Variants in RASGRF1 observed in about 807,000 individuals in gnomAD.
RASGRF1 encodes Ras protein specific guanine nucleotide releasing factor 1.
RASGRF1 carries 40 observed loss-of-function variants against 138.7 expected under a neutral mutation model. The observed-to-expected ratio is 0.29, with a 90% CI of 0.22 to 0.38. The LOEUF (loss-of-function observed/expected upper bound fraction) is 0.38. Among genes scored for constraint, RASGRF1 ranks in the 10% least tolerant of loss-of-function variants. The pLI is 1.00. For missense variants in RASGRF1, 1,108 were observed against 1,650.4 expected (o/e 0.67, Z 5.69); for synonymous variants, 614 against 663.2 (o/e 0.93, Z 1.14).
At chr15:79,062,781 C>T (rs907889598) in intron 2 of RASGRF1, among the ~76,000 whole-genome samples, 40 of 152,104 alleles carry the variant, frequency 2.6e-4, no homozygotes, top group Admixed American at 1.5e-3. Context: ...TGACCTCAAG[C>T]GATTTGCCCA....
intron 2 of RASGRF1, among the ~76,000 whole-genome samples, chr15:79,059,336 A>C (rs1289205889): frequency 2.1e-4 from 12 of 55,844 alleles, no homozygotes; most frequent in South Asian, 5.5e-4. Flanking sequence ...TCCCTTCCCT[A>C]TCCTTCCCTT....
intron 5 of RASGRF1, among the ~76,000 whole-genome samples, chr15:79,035,745 G>A (rs2057212333): frequency 6.6e-6 from 1 of 152,192 alleles, no homozygotes; most frequent in Admixed American, 6.5e-5. Context: ...TCCCAGCCTC[G>A]AGTCCTTCTG....
chr15:78,972,036 C>T (rs905586881), intron 25 of RASGRF1, 102 bp from the exon 26 acceptor site: 82 of 985,308 alleles, frequency 8.3e-5, no homozygotes, highest in Middle Eastern at 4.2e-4. Flanking sequence ...CTGAAGTCAG[C>T]CTCTTAATTC....
chr15:79,007,365 T>C (rs1330062360), intron 13 of RASGRF1, among the ~76,000 whole-genome samples: 2 of 152,176 alleles, frequency 1.3e-5, no homozygotes, highest in African/African-American at 2.4e-5. Flanking sequence ...ATGGGAGCTA[T>C]TAGGACTCTT....
chr15:78,967,123 A>G (rs964946562), intron 26 of RASGRF1, among the ~76,000 whole-genome samples: 26 of 151,876 alleles, frequency 1.7e-4, no homozygotes, highest in African/African-American at 6.1e-4. Flanking sequence ...CCCTGTCTCT[A>G]TAAAAAAATA....
intron 1 of RASGRF1, 170 bp from the exon 2 acceptor site, chr15:79,064,696 G>A (rs1315606787): frequency 1.6e-6 from 1 of 642,072 alleles, no homozygotes; most frequent in Non-Finnish European, 2.7e-6. Flanking sequence ...TCCAGTTCTC[G>A]ATTAAAAGGG....
chr15:79,012,605 A>C, intron 13 of RASGRF1: 1 of 1,564,556 alleles, frequency 6.4e-7, no homozygotes, highest in Non-Finnish European at 8.7e-7. Flanking sequence ...CATTCCATTC[A>C]CTTTATCACC....
chr15:79,015,211 C>A, intron 13 of RASGRF1, 116 bp downstream of exon 13: 1 of 981,226 alleles, frequency 1.0e-6, no homozygotes, highest in Non-Finnish European at 1.5e-6. Context: ...CCCCCAAAGA[C>A]AAAGCCCAGC....
intron 1 of RASGRF1, among the ~76,000 whole-genome samples, chr15:79,068,155 G>T (rs1410987793): frequency 6.6e-6 from 1 of 152,230 alleles, no homozygotes; most frequent in Non-Finnish European, 1.5e-5. Flanking sequence ...CCACTTCACA[G>T]AGGGGGCTGA....
chr15:79,058,596 C>G, intron 2 of RASGRF1, 115 bp from the exon 3 acceptor site: 2 of 1,348,672 alleles, frequency 1.5e-6, no homozygotes, highest in South Asian at 2.8e-5. Context: ...GCAGAAGGCC[C>G]TGACTCCCAG....
rs1471789236 is a variant in RASGRF1 at position 79,020,002 on chromosome 15, G to C, written c.1606+39C>G. The C allele has an allele frequency of 1.9e-6, 3 of 1,607,298 alleles. No homozygotes were observed. The African/African-American group carries it at 4.0e-5, about 21-fold the overall frequency. On this transcript the variant is annotated intron_variant, in intron 11 of 26. Coordinates refer to ENST00000558480, the MANE Select transcript of RASGRF1 (RefSeq NM_001145648.3). ...TAGGAGTGAGCGTGTGTGTATCTGT[G>C]CAAGCACACACATGCGCACATGCAG...
At chr15:79,037,802 T>C (rs930143761) in intron 5 of RASGRF1, among the ~76,000 whole-genome samples, 1 of 152,068 alleles carries the variant, frequency 6.6e-6, no homozygotes, top group Non-Finnish European at 1.5e-5. Context: ...GAAATAATTA[T>C]GCAAGTCACC....
chr15:79,031,567 A>G (rs2057137192), intron 7 of RASGRF1, 58 bp from the exon 8 acceptor site: 6 of 1,105,174 alleles, frequency 5.4e-6, no homozygotes, highest in Non-Finnish European at 7.7e-6. Flanking sequence ...ATGGCCGGGG[A>G]GCAAGGCAGG....
At chr15:79,045,299 T>C (rs2057342923) in intron 5 of RASGRF1, among the ~76,000 whole-genome samples, 1 of 152,216 alleles carries the variant, frequency 6.6e-6, no homozygotes, top group African/African-American at 2.4e-5. Flanking sequence ...TATCCAGGGT[T>C]TGCTCAGCAA....
intron 22 of RASGRF1, among the ~76,000 whole-genome samples, chr15:78,988,122 CCGT>C (rs1184568267): frequency 6.6e-6 from 1 of 152,176 alleles, no homozygotes; most frequent in Non-Finnish European, 1.5e-5. Context: ...CTGAAGTAGA[CCGT>C]GTGCGTTCAA....
At chr15:79,008,533 T>C (rs749744558) in intron 13 of RASGRF1, among the ~76,000 whole-genome samples, 8 of 152,008 alleles carry the variant, frequency 5.3e-5, no homozygotes, top group Non-Finnish European at 8.8e-5. Flanking sequence ...GAAGCAACCA[T>C]GAAGAGGGAG....
chr15:79,039,102 T>C (rs1397218733), intron 5 of RASGRF1, among the ~76,000 whole-genome samples: 1 of 151,790 alleles, frequency 6.6e-6, no homozygotes, highest in Admixed American at 6.6e-5. Flanking sequence ...GAGGATCGCT[T>C]GAGTCTGGGC....
chr15:79,054,605 G>C (rs938892677), intron 3 of RASGRF1, among the ~76,000 whole-genome samples: 1 of 152,198 alleles, frequency 6.6e-6, no homozygotes, highest in African/African-American at 2.4e-5. Flanking sequence ...CATATGACTG[G>C]TGAATTTCTT....
chr15:79,090,161 G>A, intron 1 of RASGRF1, 62 bp downstream of exon 1: 1 of 1,498,000 alleles, frequency 6.7e-7, no homozygotes, highest in Non-Finnish European at 8.9e-7. Flanking sequence ...CCAGCCGAAG[G>A]CCCTGAGCCC....
Sources: gnomAD v4.1 joint callset for allele counts (sites outside exome capture counted in the v4.1 genomes callset) on GRCh38, gnomAD v4.1.1 for gene constraint, MANE v1.5 for transcripts, NCBI Gene and HGNC (gene_info 2026-07-23, HGNC 2026-07-21) for gene names.